The following DCDC2C variants were observed in gnomAD, a reference collection of about 807,000 sequenced individuals.
DCDC2C encodes doublecortin domain containing 2C, also known as doublecortin domain-containing protein 2C.
A neutral mutation model predicts 45.0 loss-of-function variants in DCDC2C; 44 were observed. The observed-to-expected ratio is 0.98, with a 90% CI of 0.77 to 1.26. The LOEUF (loss-of-function observed/expected upper bound fraction) is 1.26, where lower values mean the gene tolerates loss of function less well. DCDC2C is among the 50% of genes most tolerant of loss of function. The pLI, the probability that DCDC2C is intolerant of heterozygous loss-of-function variation, is 0.00. For missense variants in DCDC2C, 447 were observed against 468.9 expected, an observed-to-expected ratio of 0.95 and a Z score of 0.43; for synonymous variants, 187 against 178.8, an observed-to-expected ratio of 1.05 and a Z score of -0.37.
At chr2:3,830,103 T>G (rs561394462) in intron 10 of DCDC2C, among the ~76,000 whole-genome samples, 1 of 152,336 alleles carries the variant, frequency 6.6e-6, no homozygotes, top group East Asian at 1.9e-4. Context: ...ATGCATCTTA[T>G]TTTACCCAAG....
chr2:3,815,998 A>G (rs560617665), intron 10 of DCDC2C, among the ~76,000 whole-genome samples: 21 of 150,596 alleles, frequency 1.4e-4, no homozygotes, highest in African/African-American at 4.6e-4. Context: ...GGTGGCAAAA[A>G]TTTTTTTTGG....
chr2:3,756,520 C>T (rs1669722269), intron 6 of DCDC2C, among the ~76,000 whole-genome samples: 1 of 152,186 alleles, frequency 6.6e-6, no homozygotes, highest in African/African-American at 2.4e-5. Flanking sequence ...CTTTGACTTT[C>T]TCACCTGCGA....
In DCDC2C at chr2:3,775,953, AGCTAGGCAGCTGTCGCTGTGG is replaced by A. The variant is rs1670319865; in HGVS notation, c.955-2849_955-2829del. Among the ~76,000 whole-genome samples the A allele has an allele frequency of 5.0e-5, 5 of 100,440 alleles. 1 individual carries two copies. Among genetic ancestry groups the A allele is most frequent in the Admixed American group, 9.9e-5 (1 of 10,110 alleles). The allele number at this position is 100,440 out of a possible 152,430, so 65.9% of individuals were successfully genotyped here. On this transcript the variant is annotated intron_variant, in intron 8 of 10. Transcript: ENST00000399143. ...TCTGAGCTAGGCAGCTGTGGCTCTG[AGCTAGGCAGCTGTCGCTGTGG>A]GCTAGGCAGCTGTGGCTGTGGGCTA... is the stretch of plus-strand genomic sequence containing the variant.
intron 10 of DCDC2C, among the ~76,000 whole-genome samples, chr2:3,817,497 T>C (rs935845051): frequency 1.3e-5 from 2 of 152,048 alleles, no homozygotes; most frequent in African/African-American, 2.4e-5. Flanking sequence ...GCATCAGGTG[T>C]GAGGAAGAAA....
At position 3,843,312 on chromosome 2, in the gene DCDC2C, T is replaced by G. The variant is rs114044172; in HGVS notation, c.1066-3842T>G. 8.2e-3 allele frequency among the ~76,000 whole-genome samples: 1,237 copies of G among 151,756 alleles called. 22 individuals are homozygous for G. The highest frequency in any genetic ancestry group is 0.028 in the African/African-American group (1,144 of 41,358). ...GGCGAGAATGAAATTGGAGTTGAGG[T>G]TTCTGGTTTGGGTCTACGCGTTACT... is the stretch of plus-strand genomic sequence containing the variant. On this transcript the variant is annotated intron_variant, in intron 10 of 10. Transcript: ENST00000399143.
At chr2:3,839,992 C>T (rs931125771) in intron 10 of DCDC2C, among the ~76,000 whole-genome samples, 1 of 152,190 alleles carries the variant, frequency 6.6e-6, no homozygotes, top group Non-Finnish European at 1.5e-5. Context: ...GTGGACTTCG[C>T]AATACCTGAA....
intron 10 of DCDC2C, among the ~76,000 whole-genome samples, chr2:3,841,452 A>G (rs1367334894): frequency 9.4e-6 from 1 of 106,432 alleles, no homozygotes; most frequent in Non-Finnish European, 2.2e-5. Flanking sequence ...ACATTTTGAT[A>G]TCCTAAATCT....
At chr2:3,842,284 G>C (rs1429635143) in intron 10 of DCDC2C, among the ~76,000 whole-genome samples, 1 of 152,088 alleles carries the variant, frequency 6.6e-6, no homozygotes. Flanking sequence ...GGTGTGTACT[G>C]GATACCCTGG....
intron 2 of DCDC2C, 96 bp downstream of exon 2, chr2:3,708,696 C>A: frequency 1.1e-6 from 1 of 892,328 alleles, no homozygotes; most frequent in Non-Finnish European, 1.8e-6. Flanking sequence ...TTCACAGAAG[C>A]AGTAAATGCC....
At chr2:3,777,932 G>A (rs1269595993) in intron 8 of DCDC2C, among the ~76,000 whole-genome samples, 1 of 152,218 alleles carries the variant, frequency 6.6e-6, no homozygotes, top group Admixed American at 6.5e-5. Flanking sequence ...ACAGGTGAGT[G>A]GTTCCAGGAA....
intron 2 of DCDC2C, among the ~76,000 whole-genome samples, chr2:3,710,852 G>T (rs931883735): frequency 6.6e-6 from 1 of 152,158 alleles, no homozygotes; most frequent in African/African-American, 2.4e-5. Context: ...TCTTTATCCA[G>T]TCCACCACTA....
intron 2 of DCDC2C, among the ~76,000 whole-genome samples, chr2:3,722,050 C>G (rs1340299843): frequency 1.3e-5 from 2 of 152,216 alleles, no homozygotes; most frequent in African/African-American, 2.4e-5. Flanking sequence ...AAGCACTTGA[C>G]AATGTGTTAT....
intron 10 of DCDC2C, among the ~76,000 whole-genome samples, chr2:3,786,220 G>A (rs1048477672): frequency 6.6e-6 from 1 of 151,996 alleles, no homozygotes. Context: ...TGTGCACAGG[G>A]CCTCTCGTGT....
rs1297085951 is a variant in DCDC2C at position 3,772,026 on chromosome 2, C to T, written c.954+2615C>T. Among the ~76,000 whole-genome samples, 3 of 152,240 alleles carry T rather than the reference C, an allele frequency of 2.0e-5. No homozygotes were observed. In the East Asian group the frequency reaches 5.8e-4, roughly 29 times the overall value. The stretch of plus-strand genomic sequence containing the variant: ...ACTTTGTGGGTTAGCCTGAGCGTCT[C>T]ACATGCTGTTTCTCATTGTGTCTGC... On this transcript the variant is annotated intron_variant, in intron 8 of 10. Coordinates refer to ENST00000399143, the MANE Select transcript of DCDC2C (RefSeq NM_001287444.2).
chr2:3,806,938 G>A (rs57575903), intron 10 of DCDC2C, among the ~76,000 whole-genome samples: 73,922 of 151,876 alleles, frequency 0.49, 18,519 homozygotes, highest in East Asian at 0.82. Flanking sequence ...GTGTTGCGAC[G>A]GAGTCCTTGG....
At chr2:3,792,226 A>G (rs572705837) in intron 10 of DCDC2C, among the ~76,000 whole-genome samples, 77 of 152,342 alleles carry the variant, frequency 5.1e-4, no homozygotes, top group African/African-American at 1.8e-3. Context: ...ACGCCTAAGC[A>G]GCAGGAATAG....
intron 10 of DCDC2C, among the ~76,000 whole-genome samples, chr2:3,815,351 C>G (rs947522261): frequency 1.3e-5 from 2 of 152,224 alleles, no homozygotes; most frequent in African/African-American, 4.8e-5. Context: ...CCTTCTTCCT[C>G]TTCCCTCCAG....
intron 6 of DCDC2C, among the ~76,000 whole-genome samples, chr2:3,765,259 G>A (rs1669981200): frequency 6.6e-6 from 1 of 152,204 alleles, no homozygotes. Flanking sequence ...GATTTACTGA[G>A]CAACTATTAT....
rs1402368082 is a variant in DCDC2C, at chr2:3,734,266, A to C, written c.416+7187A>C. On this transcript the variant is annotated intron_variant, in intron 3 of 10. Transcript: ENST00000399143. This position sits in a 1 kb window ranked among gnomAD's most constrained non-coding sequence, Gnocchi z 4.2. ...CTGATGTAACACATGGCAGGGCTAGATAGCCAAGAGGTTTGTGCTGATTAG... is the reference window on the plus strand; with the variant it reads ...CTGATGTAACACATGGCAGGGCTAGCTAGCCAAGAGGTTTGTGCTGATTAG... Among the ~76,000 whole-genome samples, 1 of 152,254 alleles carries C rather than the reference A, an allele frequency of 6.6e-6. No individual in the cohort carries two copies. Among genetic ancestry groups the C allele is most frequent in the Non-Finnish European group, 1.5e-5 (1 of 68,050 alleles).
Sources: allele counts gnomAD v4.1 joint callset (sites outside exome capture counted in the v4.1 genomes callset), GRCh38; gene constraint gnomAD v4.1.1; non-coding constraint Gnocchi (gnomAD v3.1); transcripts MANE v1.5; gene names NCBI Gene and HGNC (gene_info 2026-07-23, HGNC 2026-07-21).